Variants in THSD7A observed in about 807,000 individuals in gnomAD.
THSD7A encodes the protein thrombospondin type-1 domain-containing protein 7A.
A neutral mutation model predicts 231.3 loss-of-function variants in THSD7A; 96 were observed. That is an observed-to-expected ratio of 0.41 (90% CI 0.35 to 0.49). The LOEUF (loss-of-function observed/expected upper bound fraction) is 0.49. THSD7A is among the 20% of genes least tolerant of loss of function. The probability of loss-of-function intolerance (pLI) is 0.05; values close to 1 mark genes in which losing one functional copy is unlikely to be tolerated. For missense variants in THSD7A, 2,290 were observed against 2,070.2 expected (o/e 1.11, Z -2.06); for synonymous variants, 940 against 743.3 (o/e 1.26, Z -4.30).
intron 11 of THSD7A, among the ~76,000 whole-genome samples, chr7:11,454,841 G>T (rs749479641): frequency 6.6e-6 from 1 of 151,898 alleles, no homozygotes; most frequent in Non-Finnish European, 1.5e-5. Context: ...AGAAATTTGA[G>T]TTACCTGTTT....
In THSD7A at chr7:11,460,613, G is replaced by A. The variant is rs376917149; in HGVS notation, c.2605+49C>T. On this transcript the variant is annotated intron_variant, in intron 11 of 27. Transcript: ENST00000423059. ...AAGTGGCAAATGCATCAAAACAGTA[G>A]TTAAACTAGCGATGCTGGAGAAATG... 3 of 1,485,114 alleles carry A rather than the reference G, an allele frequency of 2.0e-6. No individual in the cohort carries two copies. In the East Asian group the frequency reaches 7.3e-5, roughly 36 times the overall value. The allele number at this position is 1,485,114 out of a possible 1,614,324, so 92.0% of individuals were successfully genotyped here.
intron 2 of THSD7A, among the ~76,000 whole-genome samples, chr7:11,604,949 C>G (rs1780684391): frequency 6.6e-6 from 1 of 151,996 alleles, no homozygotes; most frequent in South Asian, 2.1e-4. Flanking sequence ...TGAGCGCTCA[C>G]ACACTGGGAC....
intron 11 of THSD7A, among the ~76,000 whole-genome samples, chr7:11,448,382 T>C (rs1005632621): frequency 5.9e-5 from 9 of 152,128 alleles, no homozygotes; most frequent in African/African-American, 1.4e-4. Context: ...AACTCACTTA[T>C]TGAGGAAGCA....
chr7:11,502,452 TCATCC>T (rs1470029330), intron 6 of THSD7A, among the ~76,000 whole-genome samples: 7 of 152,184 alleles, frequency 4.6e-5, no homozygotes, highest in Non-Finnish European at 8.8e-5. Flanking sequence ...CAAGTAGGCT[TCATCC>T]CCAGGATACA....
intron 18 of THSD7A, 51 bp downstream of exon 18, chr7:11,412,605 A>G: frequency 6.2e-7 from 1 of 1,607,618 alleles, no homozygotes; most frequent in Non-Finnish European, 8.5e-7. Flanking sequence ...TTCAGAGCTG[A>G]CAGACACAGG....
chr7:11,806,419 G>T (rs1784398820), intron 1 of THSD7A, among the ~76,000 whole-genome samples: 1 of 152,116 alleles, frequency 6.6e-6, no homozygotes, highest in African/African-American at 2.4e-5. Context: ...CAAAAAGATG[G>T]TAAAAAGGAA....
At chr7:11,705,459 T>C (rs958363149) in intron 1 of THSD7A, among the ~76,000 whole-genome samples, 1 of 150,960 alleles carries the variant, frequency 6.6e-6, no homozygotes, top group Admixed American at 6.6e-5. Flanking sequence ...TCATTGGGTG[T>C]CAGAGTGATT....
At chr7:11,414,498 A>T (rs577440496) in intron 17 of THSD7A, among the ~76,000 whole-genome samples, 3 of 152,104 alleles carry the variant, frequency 2.0e-5, no homozygotes, top group African/African-American at 7.2e-5. Flanking sequence ...AGAAGTGTCT[A>T]TTTCTGGCTT....
chr7:11,739,495 T>C lies in THSD7A; in HGVS notation c.190+92262A>G, dbSNP rs765027949. ...GAAATGGAGAAAGAATATATTTAAA[T>C]TAATTATTGATAGCCAGATGAGTAC... On this transcript the variant is annotated intron_variant, in intron 1 of 27. Coordinates refer to ENST00000423059, the MANE Select transcript of THSD7A (RefSeq NM_015204.3). Among the ~76,000 whole-genome samples, 113 of 152,170 alleles carry C rather than the reference T, an allele frequency of 7.4e-4. 1 individual carries two copies. Among genetic ancestry groups the C allele is most frequent in the Non-Finnish European group, 1.3e-3 (89 of 67,974 alleles).
intron 6 of THSD7A, among the ~76,000 whole-genome samples, chr7:11,486,320 G>A (rs1001816611): frequency 1.3e-5 from 2 of 152,092 alleles, no homozygotes; most frequent in Admixed American, 6.5e-5. Context: ...GTATATATAG[G>A]AGTACATTAA....
intron 13 of THSD7A, 29 bp from the exon 14 acceptor site, chr7:11,429,154 A>T: frequency 6.5e-7 from 1 of 1,533,360 alleles, no homozygotes; most frequent in Non-Finnish European, 8.7e-7. Flanking sequence ...GACAAGAATC[A>T]TCTCCTCCAC....
At chr7:11,753,510 T>C (rs2128165591) in intron 1 of THSD7A, among the ~76,000 whole-genome samples, 1 of 151,748 alleles carries the variant, frequency 6.6e-6, no homozygotes, top group East Asian at 2.0e-4. Flanking sequence ...GTCTTCCCAC[T>C]ATGGGTCCCA....
chr7:11,731,163 T>C (rs2128157200), intron 1 of THSD7A, among the ~76,000 whole-genome samples: 1 of 151,772 alleles, frequency 6.6e-6, no homozygotes, highest in East Asian at 1.9e-4. Context: ...AATTTGACAG[T>C]AAATCCCTTA....
intron 9 of THSD7A, among the ~76,000 whole-genome samples, chr7:11,466,228 T>C (rs960463415): frequency 6.6e-6 from 1 of 152,168 alleles, no homozygotes; most frequent in African/African-American, 2.4e-5. Flanking sequence ...CCACCCCAAC[T>C]TTGAATTAAT....
chr7:11,693,609 A>C (rs1281682351), intron 1 of THSD7A, among the ~76,000 whole-genome samples: 2 of 151,588 alleles, frequency 1.3e-5, no homozygotes, highest in Admixed American at 1.3e-4. Context: ...ATAATAGAAA[A>C]GTAGTGGGCT....
rs1782239943 is a variant in THSD7A, at chr7:11,375,673, A to G, written c.*121T>C. The G allele has an allele frequency of 1.3e-6, 1 of 775,618 alleles. No individual in the cohort carries two copies. The highest frequency in any genetic ancestry group is 1.8e-5 in the African/African-American group (1 of 56,428). 48.0% of individuals were successfully genotyped at this position (775,618 alleles called of 1,614,324 possible). A position where few individuals can be genotyped will look rare whatever the true frequency, so the allele number is the denominator to read the frequency against. ...TATGATTTTCACTCTTGTCTTTATG[A>G]TGCCATTTTTAAAAATTAAAATATA... On this transcript the variant is annotated 3_prime_UTR_variant, in exon 28 of 28. Transcript: ENST00000423059.
intron 16 of THSD7A, among the ~76,000 whole-genome samples, chr7:11,417,818 G>A (rs1174387216): frequency 6.6e-6 from 1 of 152,114 alleles, no homozygotes; most frequent in East Asian, 1.9e-4. Flanking sequence ...TAGTGCTTCT[G>A]CATGATTCAA....
At position 11,682,242 on chromosome 7, in the gene THSD7A, C is replaced by T. The variant is rs773393108; in HGVS notation, c.191-45281G>A. On this transcript the variant is annotated intron_variant, in intron 1 of 27. Coordinates refer to ENST00000423059, the MANE Select transcript of THSD7A (RefSeq NM_015204.3). ...GCTAATAACACCACGACAAAACTAA[C>T]ACCTTTAATATCAATATTAACCATG... Among the ~76,000 whole-genome samples the T allele has an allele frequency of 2.0e-5, 3 of 152,078 alleles. 1 individual carries two copies. Among genetic ancestry groups the T allele is most frequent in the South Asian group, 4.1e-4 (2 of 4,828 alleles).
rs141226110 is a variant in THSD7A at position 11,694,609 on chromosome 7, G to A, written c.191-57648C>T. 1.0e-2 allele frequency among the ~76,000 whole-genome samples: 1,514 copies of A among 151,528 alleles called. 9 individuals are homozygous for A. The highest frequency in any genetic ancestry group is 0.014 in the Non-Finnish European group (941 of 67,650). ...GTGGTGAAGCCTTTATAATTTTGAA[G>A]GATTGTTCATTACACTGCTCACAAG... is the stretch of plus-strand genomic sequence containing the variant. On this transcript the variant is annotated intron_variant, in intron 1 of 27. Transcript: ENST00000423059.
Sources: gnomAD v4.1 joint callset for allele counts (sites outside exome capture counted in the v4.1 genomes callset) on GRCh38, gnomAD v4.1.1 for gene constraint, MANE v1.5 for transcripts, NCBI Gene and HGNC (gene_info 2026-07-23, HGNC 2026-07-21) for gene names.